The following HOXB7 variants were observed in gnomAD, a reference collection of about 807,000 sequenced individuals.
The protein encoded by HOXB7 is homeobox protein Hox-B7.
In HOXB7, 11 loss-of-function variants were observed where a neutral mutation model predicts 19.2. The ratio of observed to expected loss-of-function variants is 0.57; its 90% CI spans 0.36 to 0.95. The LOEUF (loss-of-function observed/expected upper bound fraction) is 0.95, where lower values mean the gene tolerates loss of function less well. HOXB7 is among the 40% of genes least tolerant of loss of function. The probability of loss-of-function intolerance (pLI) is 0.01; values close to 1 mark genes in which losing one functional copy is unlikely to be tolerated. For missense variants in HOXB7, 318 were observed against 301.1 expected, an observed-to-expected ratio of 1.06 and a Z score of -0.42; for synonymous variants, 141 against 130.2, an observed-to-expected ratio of 1.08 and a Z score of -0.56.
Position 48,608,014 on chromosome 17 carries a change from T to G in HOXB7, c.482A>C (p.Tyr161Ser). The change falls in exon 2 of 2, where the codon TAC becomes TCC. Residue 161 changes from tyrosine to serine, a missense_variant. Transcript: ENST00000239165. ...CTCGATGCGCCGCCGCCGCGTCAGG[T>G]AGCGATTGTAGTGAAATTCTTTCTC... ...ELEKEFHYNR[Y>S]LTRRRRIEIA... The G allele has an allele frequency of 6.2e-7, 1 of 1,614,154 alleles. No homozygotes were observed. The highest frequency in any genetic ancestry group is 8.5e-7 in the Non-Finnish European group (1 of 1,180,024).
intron 1 of HOXB7, among the ~76,000 whole-genome samples, chr17:48,610,299 A>G (rs2070629968): frequency 6.6e-6 from 1 of 151,462 alleles, no homozygotes; most frequent in African/African-American, 2.4e-5. Context: ...GCCGGCGAAG[A>G]GAGATCCGCC....
At chr17:48,610,011 G>C (rs1454564501) in intron 1 of HOXB7, among the ~76,000 whole-genome samples, 2 of 152,168 alleles carry the variant, frequency 1.3e-5, no homozygotes, top group Non-Finnish European at 2.9e-5. Flanking sequence ...AGCGGGGTTG[G>C]CTGGAGAGGA....
At position 48,610,562 on chromosome 17, in the gene HOXB7, C is replaced by A. The variant is rs1200505138; in HGVS notation, c.357G>T (p.Ala119=). 1.3e-6 allele frequency: 2 copies of A among 1,529,496 alleles called. No individual in the cohort carries two copies. Among genetic ancestry groups the A allele is most frequent in the East Asian group, 5.0e-5 (2 of 39,974 alleles). 94.7% of individuals were successfully genotyped at this position (1,529,496 alleles called of 1,614,324 possible). A position where few individuals can be genotyped will look rare whatever the true frequency, so the allele number is the denominator to read the frequency against. The change falls in exon 1 of 2, where the codon GCG becomes GCT. Residue 119 remains alanine (A), a synonymous_variant. Coordinates refer to ENST00000239165, the MANE Select transcript of HOXB7 (RefSeq NM_004502.4). The part of the protein sequence containing the change: ...GAKEQRDSDL[A]AESNFRIYPW... Reference sequence around the variant, plus strand: ...GGTAGATCCGGAAGTTACTCTCGGCCGCCAAGTCCGAGTCCCTCTGCTCCT... The same window carrying A: ...GGTAGATCCGGAAGTTACTCTCGGCAGCCAAGTCCGAGTCCCTCTGCTCCT...
rs754932765 is a variant in HOXB7, at chr17:48,610,654, A to G, written c.265T>C (p.Cys89Arg). 4.4e-6 allele frequency: 7 copies of G among 1,577,938 alleles called. No homozygotes were observed. The South Asian group carries it at 8.0e-5, about 18-fold the overall frequency. Residue 89 changes from cysteine to arginine, a missense_variant, in exon 1 of 2, where the codon TGC (cysteine) becomes CGC (arginine). Coordinates refer to ENST00000239165, the MANE Select transcript of HOXB7 (RefSeq NM_004502.4). ...GLEPSSFNMHCAPFEQNLSGV... is the reference protein window; with the variant it reads ...GLEPSSFNMHRAPFEQNLSGV... ...GAGAGGTTCTGCTCAAAGGGCGCGC[A>G]GTGCATGTTGAAGGAACTCGGCTCG...
intron 1 of HOXB7, 116 bp from the exon 2 acceptor site, chr17:48,608,211 C>T: frequency 7.4e-7 from 1 of 1,353,746 alleles, no homozygotes; most frequent in South Asian, 1.5e-5. Flanking sequence ...ATCACGAGGT[C>T]AGGAGATCGA....
intron 1 of HOXB7, among the ~76,000 whole-genome samples, chr17:48,609,562 G>A (rs1288991567): frequency 1.3e-5 from 2 of 152,170 alleles, no homozygotes; most frequent in Admixed American, 1.3e-4. Flanking sequence ...TTGGAACAGT[G>A]CAGAAAAGGA....
At chr17:48,609,805 G>A (rs1427195479) in intron 1 of HOXB7, among the ~76,000 whole-genome samples, 2 of 152,150 alleles carry the variant, frequency 1.3e-5, no homozygotes, top group Admixed American at 1.3e-4. Flanking sequence ...GCACTCCCAT[G>A]AAGCCTCTGC....
At chr17:48,610,004 G>A (rs2070626586) in intron 1 of HOXB7, among the ~76,000 whole-genome samples, 1 of 152,160 alleles carries the variant, frequency 6.6e-6, no homozygotes, top group Admixed American at 6.5e-5. Context: ...ATGGGGGAGC[G>A]GGGTTGGCTG....
chr17:48,607,707 T>G lies in HOXB7; in HGVS notation c.*135A>C, dbSNP rs1246763153. On this transcript the variant is annotated 3_prime_UTR_variant, in exon 2 of 2. Coordinates refer to ENST00000239165, the MANE Select transcript of HOXB7 (RefSeq NM_004502.4). ...AACTCCTTTCATTTAAATAGGGTTT[T>G]TTTTTTGTTTTTTTTGTTTTTTGTT... 7.4e-6 allele frequency: 5 copies of G among 679,912 alleles called. No individual in the cohort carries two copies. Among genetic ancestry groups the G allele is most frequent in the African/African-American group, 5.6e-5 (3 of 53,784 alleles). The allele number at this position is 679,912 out of a possible 1,614,324, so 42.1% of individuals were successfully genotyped here. A position where few individuals can be genotyped will look rare whatever the true frequency, so the allele number is the denominator to read the frequency against.
At position 48,610,568 on chromosome 17, in the gene HOXB7, G is replaced by T. The variant is rs2228185; in HGVS notation, c.351C>A (p.Asp117Glu). ...AAGAKEQRDS[D>E]LAAESNFRIY... ...TCCGGAAGTTACTCTCGGCCGCCAA[G>T]TCCGAGTCCCTCTGCTCCTTGGCGC... The change falls in exon 1 of 2, where the codon GAC (aspartate) becomes GAA (glutamate). Residue 117 changes from aspartate to glutamate, a missense_variant. Transcript: ENST00000239165. 2.5e-5 allele frequency: 39 copies of T among 1,536,516 alleles called. No individual in the cohort carries two copies. In the East Asian group the frequency reaches 9.8e-4, roughly 38 times the overall value.
rs1387713056 is a variant in HOXB7 at position 48,607,399 on chromosome 17, A to G, written c.*443T>C. ...AGGCCCCTTGGTGCCGCTGCTGGGA[A>G]GGCGGAGGCTCAGGAGGGCAGGCAA... On this transcript the variant is annotated 3_prime_UTR_variant, in exon 2 of 2. Transcript: ENST00000239165. 1.3e-5 allele frequency: 2 copies of G among 156,094 alleles called. No individual in the cohort carries two copies. Among genetic ancestry groups the G allele is most frequent in the Admixed American group, 1.3e-4 (2 of 15,748 alleles). 9.7% of individuals were successfully genotyped at this position (156,094 alleles called of 1,614,324 possible). A position where few individuals can be genotyped will look rare whatever the true frequency, so the allele number is the denominator to read the frequency against.
In HOXB7 at chr17:48,610,656, T is replaced by G; in HGVS notation, c.263A>C (p.His88Pro). 1 of 1,578,576 alleles carries G rather than the reference T, an allele frequency of 6.3e-7. No homozygotes were observed. Among genetic ancestry groups the G allele is most frequent in the Non-Finnish European group, 8.6e-7 (1 of 1,162,124 alleles). The change falls in exon 1 of 2, where the codon CAC becomes CCC. Residue 88 changes from histidine to proline, a missense_variant. Physicochemically the swap from His to Pro is moderately conservative, Grantham distance 77. Coordinates refer to ENST00000239165, the MANE Select transcript of HOXB7 (RefSeq NM_004502.4). Reference sequence around the variant, plus strand: ...GAGGTTCTGCTCAAAGGGCGCGCAGTGCATGTTGAAGGAACTCGGCTCGAG... The same window carrying G: ...GAGGTTCTGCTCAAAGGGCGCGCAGGGCATGTTGAAGGAACTCGGCTCGAG... ...YGLEPSSFNMHCAPFEQNLSG... is the reference protein window; with the variant it reads ...YGLEPSSFNMPCAPFEQNLSG...
chr17:48,608,936 A>G (rs1597886962), intron 1 of HOXB7, among the ~76,000 whole-genome samples: 1 of 152,200 alleles, frequency 6.6e-6, no homozygotes, highest in Admixed American at 6.5e-5. Context: ...AGTCCCCCCA[A>G]CTCATCCCCA....
In HOXB7 at chr17:48,610,643, A is replaced by T; in HGVS notation, c.276T>A (p.Phe92Leu). The change falls in exon 1 of 2, where the codon TTT becomes TTA. Residue 92 changes from phenylalanine (F) to leucine (L), a missense_variant. Phe to Leu is a conservative substitution (Grantham distance 22, BLOSUM62 0). Transcript: ENST00000239165. Reference sequence around the variant, plus strand: ...GACACACCCCGGAGAGGTTCTGCTCAAAGGGCGCGCAGTGCATGTTGAAGG... The same window carrying T: ...GACACACCCCGGAGAGGTTCTGCTCTAAGGGCGCGCAGTGCATGTTGAAGG... ...PSSFNMHCAP[F>L]EQNLSGVCPG... The T allele has an allele frequency of 1.9e-6, 3 of 1,573,282 alleles. No homozygotes were observed. In the South Asian group the frequency reaches 3.4e-5, roughly 18 times the overall value.
Position 48,610,721 on chromosome 17 carries a change from C to T in HOXB7, c.198G>A (p.Ala66=), listed in dbSNP as rs1443562781. 6.3e-7 allele frequency: 1 copy of T among 1,594,702 alleles called. No individual in the cohort carries two copies. The highest frequency in any genetic ancestry group is 8.5e-7 in the Non-Finnish European group (1 of 1,170,584). ...CGTAGACGCCGGCCGCGCTCTGGCC[C>T]GCCATGCCCCCCCCGCCGGGGTACA... The part of the protein sequence containing the change: ...QGLYPGGGGM[A]GQSAAGVYAA... The change falls in exon 1 of 2, where the codon GCG becomes GCA. Residue 66 remains alanine (A), a synonymous_variant. Coordinates refer to ENST00000239165, the MANE Select transcript of HOXB7 (RefSeq NM_004502.4).
chr17:48,610,606 C>T lies in HOXB7; in HGVS notation c.313G>A (p.Ala105Thr), dbSNP rs2070634020. Residue 105 changes from alanine to threonine, a missense_variant, in exon 1 of 2, where the codon GCC (alanine) becomes ACC (threonine). Coordinates refer to ENST00000239165, the MANE Select transcript of HOXB7 (RefSeq NM_004502.4). ...TGCTCCTTGGCGCCCGCCGCCTTGGCGGAGTCGCCGGGACACACCCCGGAG... is the reference window on the plus strand; with the variant it reads ...TGCTCCTTGGCGCCCGCCGCCTTGGTGGAGTCGCCGGGACACACCCCGGAG... ...NLSGVCPGDSAKAAGAKEQRD... is the reference protein window; with the variant it reads ...NLSGVCPGDSTKAAGAKEQRD... 2.6e-6 allele frequency: 4 copies of T among 1,554,438 alleles called. No individual in the cohort carries two copies. In the East Asian group the frequency reaches 9.7e-5, roughly 38 times the overall value.
At chr17:48,610,225 A>G (rs996576210) in intron 1 of HOXB7, among the ~76,000 whole-genome samples, 1 of 152,002 alleles carries the variant, frequency 6.6e-6, no homozygotes, top group African/African-American at 2.4e-5. Context: ...CTGCTGATAA[A>G]TATTTAAAGC....
intron 1 of HOXB7, among the ~76,000 whole-genome samples, chr17:48,609,392 G>A (rs969590829): frequency 1.3e-5 from 2 of 152,218 alleles, no homozygotes; most frequent in Admixed American, 1.3e-4. Flanking sequence ...AACTGGAAAG[G>A]CAGTTAAACT....
In HOXB7 at chr17:48,607,902, G is replaced by A; in HGVS notation, c.594C>T (p.Thr198=). The A allele has an allele frequency of 3.1e-6, 5 of 1,613,760 alleles. No homozygotes were observed. Among genetic ancestry groups the A allele is most frequent in the Non-Finnish European group, 4.2e-6 (5 of 1,179,948 alleles). Reference sequence around the variant, plus strand: ...CTTGGCCGGTGGTCCCCGGGCCCGCGGTCTTGTTCTCCTTTTTCCACTTCA... The same window carrying A: ...CTTGGCCGGTGGTCCCCGGGCCCGCAGTCTTGTTCTCCTTTTTCCACTTCA... ...RRMKWKKENK[T]AGPGTTGQDR... The change falls in exon 2 of 2, where the codon ACC becomes ACT. Residue 198 remains threonine (T), a synonymous_variant. Transcript: ENST00000239165.
Sources: allele counts gnomAD v4.1 joint callset (sites outside exome capture counted in the v4.1 genomes callset), GRCh38; gene constraint gnomAD v4.1.1; transcripts MANE v1.5; gene names NCBI Gene and HGNC (gene_info 2026-07-23, HGNC 2026-07-21).